Variants in ADAM33 observed in about 807,000 individuals in gnomAD.
ADAM33 encodes the protein disintegrin and metalloproteinase domain-containing protein 33.
In ADAM33, 103 loss-of-function variants were observed where a neutral mutation model predicts 106.2. The observed-to-expected ratio is 0.97, with a 90% CI of 0.83 to 1.14. ADAM33 has a LOEUF of 1.14. Ranked by LOEUF, ADAM33 falls within the 50% of genes most tolerant of loss-of-function variation. The pLI is 0.00. For synonymous variants in ADAM33, 483 were observed against 453.0 expected, an observed-to-expected ratio of 1.07 and a Z score of -0.84; for missense variants, 1,120 against 1,096.6, an observed-to-expected ratio of 1.02 and a Z score of -0.30.
intron 19 of ADAM33, 64 bp from the exon 20 acceptor site, chr20:3,669,701 C>T (rs780847238): frequency 3.6e-5 from 51 of 1,418,290 alleles, no homozygotes; most frequent in South Asian, 4.9e-5. Flanking sequence ...ATTGCCTCCC[C>T]GCAGCATGGT....
Position 3,675,891 on chromosome 20 carries a change from A to C in ADAM33, c.255-786T>G, listed in dbSNP as rs1315970743. ...CTTCCCCCCTCCCAGGCATTCCACCACCTGCCCCAGCTCTGCCCCCTACCC... is the reference window on the plus strand; with the variant it reads ...CTTCCCCCCTCCCAGGCATTCCACCCCCTGCCCCAGCTCTGCCCCCTACCC... On this transcript the variant is annotated intron_variant, in intron 3 of 21. Transcript: ENST00000356518. The surrounding 1 kb of genome is among the most constrained non-coding windows in gnomAD (Gnocchi z 4.1). Among the ~76,000 whole-genome samples the C allele has an allele frequency of 6.7e-6, 1 of 148,724 alleles. No individual in the cohort carries two copies. The highest frequency in any genetic ancestry group is 2.0e-4 in the East Asian group (1 of 5,072).
rs372441762 is a variant in ADAM33 at position 3,675,113 on chromosome 20, G to A, written c.255-8C>T. 1.9e-6 allele frequency: 3 copies of A among 1,607,286 alleles called. No individual in the cohort carries two copies. In the Admixed American group the frequency reaches 5.0e-5, roughly 27 times the overall value. On this transcript the variant is annotated splice_region_variant and splice_polypyrimidine_tract_variant and intron_variant, in intron 3 of 21. Transcript: ENST00000356518. This position sits in a 1 kb window ranked among gnomAD's most constrained non-coding sequence, Gnocchi z 4.1. Reference sequence around the variant, plus strand: ...CCTGGGGCCAGCAGCCTGCTGAGAGGGGGTGTTACAGGGAACACTGAATTC... The same window carrying A: ...CCTGGGGCCAGCAGCCTGCTGAGAGAGGGTGTTACAGGGAACACTGAATTC...
Position 3,679,528 on chromosome 20 carries a change from A to G in ADAM33, c.141T>C (p.Asp47=). The G allele has an allele frequency of 6.2e-7, 1 of 1,611,044 alleles. No individual in the cohort carries two copies. Among genetic ancestry groups the G allele is most frequent in the South Asian group, 1.1e-5 (1 of 90,184 alleles). Residue 47 remains aspartate, a synonymous_variant, in exon 2 of 22, where the codon GAT becomes GAC. Coordinates refer to ENST00000356518, the MANE Select transcript of ADAM33 (RefSeq NM_025220.5). ...GQPVTPHWVL[D]GQPWRTVSLE... is the part of the protein sequence containing the mutation. Reference sequence around the variant, plus strand: ...GGCTGACGGTGCGCCAGGGTTGTCCATCCAGGACCCAGTGCGGGGTGACTG... The same window carrying G: ...GGCTGACGGTGCGCCAGGGTTGTCCGTCCAGGACCCAGTGCGGGGTGACTG...
Position 3,674,633 on chromosome 20 carries a change from G to A in ADAM33, c.471C>T (p.Gly157=), listed in dbSNP as rs953951305. The A allele has an allele frequency of 1.9e-6, 3 of 1,612,830 alleles. No individual in the cohort carries two copies. Among genetic ancestry groups the A allele is most frequent in the African/African-American group, 1.3e-5 (1 of 74,854 alleles). ...TCTCGTGGGTTGAGAAGTCCTTGGA[G>A]CCCCGGGGTGGCCAGGGACGCAGAT... ...SYYLRPWPPR[G]SKDFSTHEIF... Residue 157 remains glycine, a synonymous_variant, in exon 6 of 22, where the codon GGC becomes GGT. Coordinates refer to ENST00000356518, the MANE Select transcript of ADAM33 (RefSeq NM_025220.5).
At chr20:3,674,318 G>A in intron 6 of ADAM33, 34 bp from the exon 7 acceptor site, 1 of 1,613,348 alleles carries the variant, frequency 6.2e-7, no homozygotes, top group South Asian at 1.1e-5. Flanking sequence ...CTGAGTGGAA[G>A]CTGCTGGGCT....
chr20:3,674,497 C>T lies in ADAM33; in HGVS notation c.600+7G>A. ...ATTCCCACTCCCATCCGATCGATGC[C>T]CCTGACCCTGCTCTGGGGACCACCA... On this transcript the variant is annotated splice_region_variant and intron_variant, in intron 6 of 21. Coordinates refer to ENST00000356518, the MANE Select transcript of ADAM33 (RefSeq NM_025220.5). 1 of 1,612,714 alleles carries T rather than the reference C, an allele frequency of 6.2e-7. No individual in the cohort carries two copies. Among genetic ancestry groups the T allele is most frequent in the Non-Finnish European group, 8.5e-7 (1 of 1,179,754 alleles).
intron 2 of ADAM33, 54 bp from the exon 3 acceptor site, chr20:3,677,197 C>T (rs2088048329): frequency 2.7e-6 from 4 of 1,485,178 alleles, no homozygotes; most frequent in Non-Finnish European, 3.6e-6. Context: ...CTCCTGCCTG[C>T]CAGGGAGTAG....
chr20:3,674,291 AG>A lies in ADAM33; in HGVS notation c.601-8del. 5.6e-6 allele frequency: 9 copies of A among 1,613,702 alleles called. No individual in the cohort carries two copies. The highest frequency in any genetic ancestry group is 7.6e-6 in the Non-Finnish European group (9 of 1,179,990). On this transcript the variant is annotated splice_region_variant and splice_polypyrimidine_tract_variant and intron_variant, in intron 6 of 21. Coordinates refer to ENST00000356518, the MANE Select transcript of ADAM33 (RefSeq NM_025220.5). ...TGCGCGCTTCTCGCCTGCCCTGCGG[AG>A]GTGCAAATGGGGACCCTGAGTGGAA...
Position 3,672,259 on chromosome 20 carries a change from G to T in ADAM33, c.1472C>A (p.Thr491Asn). The T allele has an allele frequency of 6.2e-7, 1 of 1,613,398 alleles. No homozygotes were observed. The highest frequency in any genetic ancestry group is 8.5e-7 in the Non-Finnish European group (1 of 1,180,026). The change falls in exon 14 of 22, where the codon ACC (threonine) becomes AAC (asparagine). Residue 491 changes from threonine (T) to asparagine (N), a missense_variant. By Grantham distance (65) the Thr-to-Asn change is moderately conservative (BLOSUM62 0). Transcript: ENST00000356518. ...DCDLPEFCTG[T>N]SSHCPPDVYL... ...AACGTCTGGGGGACAGTGGGAGGAG[G>T]TGCCCGTGCAAAACTCAGGGAGGTC...
At position 3,674,297 on chromosome 20, in the gene ADAM33, A is replaced by G. The variant is rs1162084283; in HGVS notation, c.601-13T>C. On this transcript the variant is annotated splice_polypyrimidine_tract_variant and intron_variant, in intron 6 of 21. Transcript: ENST00000356518. ...CTTCTCGCCTGCCCTGCGGAGGTGC[A>G]AATGGGGACCCTGAGTGGAAGCTGC... is the stretch of plus-strand genomic sequence containing the variant. 8 of 1,613,642 alleles carry G rather than the reference A, an allele frequency of 5.0e-6. No homozygotes were observed. The highest frequency in any genetic ancestry group is 6.8e-6 in the Non-Finnish European group (8 of 1,180,012).
At chr20:3,678,075 C>G (rs1269184999) in intron 2 of ADAM33, among the ~76,000 whole-genome samples, 1 of 152,222 alleles carries the variant, frequency 6.6e-6, no homozygotes, top group Non-Finnish European at 1.5e-5. Context: ...TCCCTGGCCA[C>G]AGGCCCCACA....
chr20:3,677,245 G>A lies in ADAM33; in HGVS notation c.178-102C>T, dbSNP rs982843828. On this transcript the variant is annotated intron_variant, in intron 2 of 21. Transcript: ENST00000356518. Reference sequence around the variant, plus strand: ...GCCGGCTGGGGAGGAAGTTCTTGGGGAGAACGTGGGCTGGGGAGTCAGCAG... The same window carrying A: ...GCCGGCTGGGGAGGAAGTTCTTGGGAAGAACGTGGGCTGGGGAGTCAGCAG... The A allele has an allele frequency of 4.9e-6, 5 of 1,013,368 alleles. 1 individual carries two copies. In the Admixed American group the frequency reaches 9.1e-5, roughly 18 times the overall value. 62.8% of individuals were successfully genotyped at this position (1,013,368 alleles called of 1,614,324 possible). A position where few individuals can be genotyped will look rare whatever the true frequency, so the allele number is the denominator to read the frequency against.
In ADAM33 at chr20:3,672,301, T is replaced by C. The variant is rs545054862; in HGVS notation, c.1430A>G (p.Gln477Arg). 1.9e-6 allele frequency: 3 copies of C among 1,613,012 alleles called. No homozygotes were observed. The African/African-American group carries it at 4.0e-5, about 22-fold the overall frequency. ...AGGGAGGTCACAGTCACCCATGGCC[T>C]GGCGGCACAGCGCTCCAGCCGGCTT... is the stretch of plus-strand genomic sequence containing the variant. ...LLKPAGALCR[Q>R]AMGDCDLPEF... Residue 477 changes from glutamine to arginine, a missense_variant, in exon 14 of 22, where the codon CAG becomes CGG. Coordinates refer to ENST00000356518, the MANE Select transcript of ADAM33 (RefSeq NM_025220.5).
chr20:3,676,414 C>T (rs1195684056), intron 3 of ADAM33, among the ~76,000 whole-genome samples: 2 of 150,292 alleles, frequency 1.3e-5, no homozygotes, highest in Non-Finnish European at 1.5e-5. Flanking sequence ...TTTTTCTTTT[C>T]TTTCTTTTTT....
rs1314031655 is a variant in ADAM33 at position 3,672,347 on chromosome 20, G to C, written c.1402-18C>G. The C allele has an allele frequency of 6.2e-7, 1 of 1,609,824 alleles. No homozygotes were observed. The stretch of plus-strand genomic sequence containing the variant: ...GGCTTCAGCTGCGCAGGTGACGGGT[G>C]GTGGGGAAGGCAGAGAGAGGCCACG... On this transcript the variant is annotated intron_variant, in intron 13 of 21. Coordinates refer to ENST00000356518, the MANE Select transcript of ADAM33 (RefSeq NM_025220.5).
At chr20:3,680,232 A>G (rs1226928247) in intron 1 of ADAM33, among the ~76,000 whole-genome samples, 1 of 138,286 alleles carries the variant, frequency 7.2e-6, no homozygotes, top group East Asian at 2.1e-4. Context: ...GGGCGCCTGG[A>G]ATGTTCCCCT....
chr20:3,672,449 G>A, intron 13 of ADAM33, 88 bp downstream of exon 13: 5 of 1,580,458 alleles, frequency 3.2e-6, no homozygotes, highest in Non-Finnish European at 4.3e-6. Flanking sequence ...CACCCAACGG[G>A]GGAACCTGAG....
rs1475237407 is a variant in ADAM33 at position 3,671,632 on chromosome 20, G to C, written c.1854C>G (p.Asp618Glu). Residue 618 changes from aspartate to glutamate, a missense_variant, in exon 16 of 22, where the codon GAC (aspartate) becomes GAG (glutamate). Transcript: ENST00000356518. ...GALALPSAQL[D>E]LLGLGLVEPG... Reference sequence around the variant, plus strand: ...GCTCTACCAGGCCCAGGCCAAGCAGGTCCAGCTGGGCACTGGGGAGTGCCA... The same window carrying C: ...GCTCTACCAGGCCCAGGCCAAGCAGCTCCAGCTGGGCACTGGGGAGTGCCA... The C allele has an allele frequency of 2.5e-6, 4 of 1,580,404 alleles. No individual in the cohort carries two copies. The South Asian group carries it at 3.4e-5, about 14-fold the overall frequency.
chr20:3,681,347 G>A (rs1039714945), intron 1 of ADAM33, among the ~76,000 whole-genome samples: 7 of 152,192 alleles, frequency 4.6e-5, no homozygotes, highest in African/African-American at 1.7e-4. Context: ...CACCAAACAA[G>A]GCAACAATAT....
Sources: allele counts gnomAD v4.1 joint callset (sites outside exome capture counted in the v4.1 genomes callset), GRCh38; gene constraint gnomAD v4.1.1; non-coding constraint Gnocchi (gnomAD v3.1); transcripts MANE v1.5; gene names NCBI Gene and HGNC (gene_info 2026-07-23, HGNC 2026-07-21).